The following APOLD1 variants were observed in gnomAD, a reference collection of about 807,000 sequenced individuals.
APOLD1 encodes apolipoprotein L domain containing 1, also known as apolipoprotein L domain-containing protein 1.
Under a neutral mutation model 15.3 loss-of-function variants are expected in APOLD1, and 22 were observed. The observed-to-expected ratio is 1.44, with a 90% CI of 1.03 to 2.05. The LOEUF is 2.05. Among genes scored for constraint, APOLD1 ranks in the 30% most tolerant of loss-of-function variants. The pLI, the probability that APOLD1 is intolerant of heterozygous loss-of-function variation, is 0.00. For missense variants in APOLD1, 394 were observed against 353.5 expected, an observed-to-expected ratio of 1.11 and a Z score of -0.92; for synonymous variants, 190 against 167.4, an observed-to-expected ratio of 1.13 and a Z score of -1.04.
In APOLD1 at chr12:12,786,964, T is replaced by C. The variant is rs747735881; in HGVS notation, c.59T>C (p.Phe20Ser). Residue 20 changes from phenylalanine to serine, a missense_variant, in exon 2 of 2, where the codon TTC becomes TCC. Physicochemically the swap from Phe to Ser is radical, Grantham distance 155. Coordinates refer to ENST00000356591, the MANE Select transcript of APOLD1 (RefSeq NM_030817.3). ...CATGGGCCCGACGCGCTGCGGCGCT[T>C]CCAGGGACTGCTGCTGGACCGCCGA... The part of the protein sequence containing the change: ...EPHGPDALRR[F>S]QGLLLDRRGR... 7 of 1,459,514 alleles carry C rather than the reference T, an allele frequency of 4.8e-6. No homozygotes were observed. Among genetic ancestry groups the C allele is most frequent in the Non-Finnish European group, 6.3e-6 (7 of 1,115,326 alleles). The allele number at this position is 1,459,514 out of a possible 1,614,324, so 90.4% of individuals were successfully genotyped here.
At chr12:12,768,607 A>C (rs1946959601) in intron 1 of APOLD1, among the ~76,000 whole-genome samples, 1 of 151,840 alleles carries the variant, frequency 6.6e-6, no homozygotes, top group Non-Finnish European at 1.5e-5. Context: ...AGCGCTAATC[A>C]CGCCACTGCA....
At position 12,787,119 on chromosome 12, in the gene APOLD1, G is replaced by A. The variant is rs374529496; in HGVS notation, c.214G>A (p.Val72Met). 1.4e-4 allele frequency: 197 copies of A among 1,445,238 alleles called. No homozygotes were observed. The highest frequency in any genetic ancestry group is 4.3e-4 in the Middle Eastern group (2 of 4,670). The allele number at this position is 1,445,238 out of a possible 1,614,324, so 89.5% of individuals were successfully genotyped here. A position where few individuals can be genotyped will look rare whatever the true frequency, so the allele number is the denominator to read the frequency against. The change falls in exon 2 of 2, where the codon GTG becomes ATG. Residue 72 changes from valine (V) to methionine (M), a missense_variant. Physicochemically the swap from Val to Met is conservative, Grantham distance 21. Coordinates refer to ENST00000356591, the MANE Select transcript of APOLD1 (RefSeq NM_030817.3). This position sits in a 1 kb window ranked among gnomAD's most constrained non-coding sequence, Gnocchi z 4.9. ...CGCAACGGGCGCCCTCGCCGCCATC[G>A]TGGGGCTCTCGCTCAGCCCGGTCAC... The part of the protein sequence containing the change: ...LSATGALAAI[V>M]GLSLSPVTLG...
At position 12,788,420 on chromosome 12, in the gene APOLD1, G is replaced by C. The variant is rs1947152951; in HGVS notation, c.*768G>C. 1.3e-5 allele frequency: 2 copies of C among 152,164 alleles called. No individual in the cohort carries two copies. Among genetic ancestry groups the C allele is most frequent in the South Asian group, 4.1e-4 (2 of 4,828 alleles). 9.4% of individuals were successfully genotyped at this position (152,164 alleles called of 1,614,324 possible). A position where few individuals can be genotyped will look rare whatever the true frequency, so the allele number is the denominator to read the frequency against. ...TCATTGTGTTCAGAAGAGAGTGATG[G>C]GTTTTGAGTTAGACAGTCCTGGGCT... On this transcript the variant is annotated 3_prime_UTR_variant, in exon 2 of 2. Transcript: ENST00000356591.
chr12:12,732,264 A>G (rs1008052325), intron 1 of APOLD1, among the ~76,000 whole-genome samples: 1 of 152,158 alleles, frequency 6.6e-6, no homozygotes, highest in East Asian at 1.9e-4. Flanking sequence ...AAAATATTAA[A>G]TCTCCCTTAC....
intron 1 of APOLD1, among the ~76,000 whole-genome samples, chr12:12,776,128 G>GCT (rs1193184394): frequency 6.6e-6 from 1 of 151,652 alleles, no homozygotes; most frequent in African/African-American, 2.4e-5. Flanking sequence ...TCATCATATT[G>GCT]CTTAATGTGA....
At chr12:12,736,921 C>CTTAGGTGG (rs1346782576) in intron 1 of APOLD1, among the ~76,000 whole-genome samples, 7 of 152,328 alleles carry the variant, frequency 4.6e-5, no homozygotes, top group African/African-American at 1.7e-4. Context: ...CTGCTCCACC[C>CTTAGGTGG]CGCTACCAGT....
upstream of APOLD1, among the ~76,000 whole-genome samples, chr12:12,784,520 A>G (rs192735505): frequency 2.0e-4 from 30 of 152,316 alleles, no homozygotes; most frequent in African/African-American, 7.2e-4. Flanking sequence ...TTCTGTTGCT[A>G]CTGTTGTTAT....
intron 1 of APOLD1, among the ~76,000 whole-genome samples, chr12:12,728,319 A>T (rs1946610187): frequency 6.6e-6 from 1 of 152,098 alleles, no homozygotes; most frequent in Non-Finnish European, 1.5e-5. Flanking sequence ...TATAGTATAG[A>T]TATGTCTGAT....
At chr12:12,779,978 T>C (rs930393051) in intron 1 of APOLD1, among the ~76,000 whole-genome samples, 1 of 152,156 alleles carries the variant, frequency 6.6e-6, no homozygotes, top group Non-Finnish European at 1.5e-5. Context: ...TGAGATTCCA[T>C]GCAATATAGA....
chr12:12,761,555 C>T (rs1360547633), intron 1 of APOLD1, among the ~76,000 whole-genome samples: 1 of 152,006 alleles, frequency 6.6e-6, no homozygotes, highest in Admixed American at 6.6e-5. Context: ...TACAGAAATA[C>T]TCATAAGCAT....
At chr12:12,778,439 C>T (rs184541447) in intron 1 of APOLD1, among the ~76,000 whole-genome samples, 1 of 152,134 alleles carries the variant, frequency 6.6e-6, no homozygotes, top group Non-Finnish European at 1.5e-5. Context: ...CCCACCTCAG[C>T]CTCCCAAGTA....
At chr12:12,775,311 G>C (rs1217839758) in intron 1 of APOLD1, among the ~76,000 whole-genome samples, 1 of 152,214 alleles carries the variant, frequency 6.6e-6, no homozygotes, top group East Asian at 1.9e-4. Context: ...GGGATGAACA[G>C]GCGAGGTGCA....
Position 12,787,124 on chromosome 12 carries a change from G to C in APOLD1, c.219G>C (p.Gly73=). 2 of 1,457,500 alleles carry C rather than the reference G, an allele frequency of 1.4e-6. No individual in the cohort carries two copies. The highest frequency in any genetic ancestry group is 9.0e-7 in the Non-Finnish European group (1 of 1,116,346). 90.3% of individuals were successfully genotyped at this position (1,457,500 alleles called of 1,614,324 possible). Residue 73 remains glycine, a synonymous_variant, in exon 2 of 2, where the codon GGG becomes GGC. Transcript: ENST00000356591. The surrounding 1 kb of genome is among the most constrained non-coding windows in gnomAD (Gnocchi z 4.9). The part of the protein sequence containing the change: ...SATGALAAIV[G]LSLSPVTLGT... ...CGGGCGCCCTCGCCGCCATCGTGGG[G>C]CTCTCGCTCAGCCCGGTCACCCTGG...
chr12:12,746,530 C>CATAA, intron 1 of APOLD1, among the ~76,000 whole-genome samples: 1 of 54,382 alleles, frequency 1.8e-5, no homozygotes, highest in Non-Finnish European at 4.1e-5. Context: ...TAAATACATA[C>CATAA]ATACATATTG....
At chr12:12,745,280 GC>G (rs1946757164) in intron 1 of APOLD1, among the ~76,000 whole-genome samples, 1 of 152,172 alleles carries the variant, frequency 6.6e-6, no homozygotes, top group Non-Finnish European at 1.5e-5. Context: ...GGTGGCACAC[GC>G]CTGTAATCCC....
In APOLD1 at chr12:12,767,315, T is replaced by C. The variant is rs1349044449; in HGVS notation, c.97-19594T>C. Among the ~76,000 whole-genome samples the C allele has an allele frequency of 2.0e-5, 3 of 152,226 alleles. No individual in the cohort carries two copies. In the East Asian group the frequency reaches 5.8e-4, roughly 30 times the overall value. ...ATTTGTGAATTAAACCAACCACTGA[T>C]TGGAGTTATTCAGAAAAATTAAAAA... On this transcript the variant is annotated intron_variant, in intron 1 of 1. Transcript: ENST00000326765.
At chr12:12,783,981 A>G (rs1947106141), upstream of APOLD1, among the ~76,000 whole-genome samples, 1 of 152,148 alleles carries the variant, frequency 6.6e-6, no homozygotes. Flanking sequence ...CAAACTGTCA[A>G]TTAACTCAAT....
intron 1 of APOLD1, among the ~76,000 whole-genome samples, chr12:12,780,316 C>G (rs942900323): frequency 6.7e-6 from 1 of 149,284 alleles, no homozygotes; most frequent in Non-Finnish European, 1.5e-5. Context: ...GTGATCTCGG[C>G]TCACTGCAGC....
In APOLD1 at chr12:12,766,641, G is replaced by A. The variant is rs146446326; in HGVS notation, c.97-20268G>A. 4.9e-3 allele frequency among the ~76,000 whole-genome samples: 742 copies of A among 152,310 alleles called. 4 individuals carry two copies. The highest frequency in any genetic ancestry group is 0.011 in the Admixed American group (166 of 15,296). On this transcript the variant is annotated intron_variant, in intron 1 of 1. Coordinates refer to the APOLD1 transcript ENST00000326765. ...ATCTGCCTGGATCACCTAAGGTCAG[G>A]AGTTTGAGACCAGCCTGGCCAACAT...
Sources: allele counts gnomAD v4.1 joint callset (sites outside exome capture counted in the v4.1 genomes callset), GRCh38; gene constraint gnomAD v4.1.1; non-coding constraint Gnocchi (gnomAD v3.1); transcripts MANE v1.5; gene names NCBI Gene and HGNC (gene_info 2026-07-23, HGNC 2026-07-21).